BLTP3B: variants seen among roughly 807,000 people sequenced by gnomAD.
BLTP3B encodes the protein UHRF1 (ICBP90) binding protein 1-like.
the BLTP3B span, among the ~76,000 whole-genome samples, chr12:100,140,728 A>T: frequency 9.3e-6 from 1 of 107,340 alleles, no homozygotes; most frequent in Non-Finnish European, 1.9e-5. Context: ...AAAAAAAAAA[A>T]AATATATATA....
At chr12:100,053,402 G>A in the BLTP3B span, among the ~76,000 whole-genome samples, 1 of 151,800 alleles carries the variant, frequency 6.6e-6, no homozygotes, top group Admixed American at 6.6e-5. Flanking sequence ...AGTGAGACTT[G>A]GTATCAAAAA....
At chr12:100,054,101 A>G in the BLTP3B span, among the ~76,000 whole-genome samples, 2 of 152,194 alleles carry the variant, frequency 1.3e-5, no homozygotes, top group African/African-American at 2.4e-5. Flanking sequence ...TTTGTGAACA[A>G]TAATATAATT....
chr12:100,091,173 C>T, the BLTP3B span, among the ~76,000 whole-genome samples: 3 of 148,286 alleles, frequency 2.0e-5, no homozygotes, highest in Admixed American at 6.8e-5. Context: ...TGCACCATCA[C>T]GCCTGGCTAA....
chr12:100,112,941 C>G, the BLTP3B span, among the ~76,000 whole-genome samples: 1 of 150,920 alleles, frequency 6.6e-6, no homozygotes, highest in African/African-American at 2.4e-5. Flanking sequence ...GAGGCTGAGG[C>G]AAGTGGATTG....
At chr12:100,091,785 G>A in the BLTP3B span, among the ~76,000 whole-genome samples, 7 of 149,572 alleles carry the variant, frequency 4.7e-5, no homozygotes, top group East Asian at 2.0e-4. Flanking sequence ...GATTACAGGC[G>A]TGAGCCACCT....
chr12:100,114,093 G>A, the BLTP3B span, among the ~76,000 whole-genome samples: 1 of 152,096 alleles, frequency 6.6e-6, no homozygotes, highest in African/African-American at 2.4e-5. Flanking sequence ...AATATTTAAT[G>A]GTTATAATTC....
At chr12:100,072,489 T>C in the BLTP3B span, among the ~76,000 whole-genome samples, 1 of 152,126 alleles carries the variant, frequency 6.6e-6, no homozygotes. Context: ...GGAGTATGGC[T>C]TGAGCCTAGG....
At chr12:100,069,922 ATATAT>A in the BLTP3B span, 26 of 1,095,188 alleles carry the variant, frequency 2.4e-5, no homozygotes, top group Non-Finnish European at 2.7e-5. Context: ...TTGTTCAATG[ATATAT>A]TTTATTTAAG....
At chr12:100,067,597 A>C in the BLTP3B span, among the ~76,000 whole-genome samples, 1 of 152,154 alleles carries the variant, frequency 6.6e-6, no homozygotes, top group African/African-American at 2.4e-5. Flanking sequence ...AAGAGATGGA[A>C]GAATTCCTGG....
chr12:100,115,548 T>A, the BLTP3B span, among the ~76,000 whole-genome samples: 3 of 152,106 alleles, frequency 2.0e-5, no homozygotes, highest in Non-Finnish European at 4.4e-5. Context: ...GCCAGGTGGA[T>A]CACTTTAGCT....
chr12:100,107,643 T>C, the BLTP3B span, among the ~76,000 whole-genome samples: 2 of 151,738 alleles, frequency 1.3e-5, no homozygotes, highest in Non-Finnish European at 2.9e-5. Context: ...CAAAAAAAAA[T>C]CTCAAAATGA....
At chr12:100,080,347 CTCT>C in the BLTP3B span, among the ~76,000 whole-genome samples, 1 of 143,526 alleles carries the variant, frequency 7.0e-6, no homozygotes, top group Non-Finnish European at 1.5e-5. Context: ...TGGAACCCAT[CTCT>C]TTTTTTTTTT....
chr12:100,096,016 C>A, the BLTP3B span, among the ~76,000 whole-genome samples: 3 of 152,186 alleles, frequency 2.0e-5, no homozygotes. Flanking sequence ...CTCTGGGAGG[C>A]CAAGGCAGGT....
the BLTP3B span, among the ~76,000 whole-genome samples, chr12:100,098,033 A>G: frequency 0.042 from 6,338 of 152,180 alleles, 280 homozygotes; most frequent in African/African-American, 0.11. Context: ...CCTGGGCAAC[A>G]TGGCAAAACC....
chr12:100,142,258 C>T, the BLTP3B span, among the ~76,000 whole-genome samples: 1 of 152,240 alleles, frequency 6.6e-6, no homozygotes, highest in Admixed American at 6.5e-5. Context: ...GCCAGGCCAC[C>T]TCCAGCCTCC....
At chr12:100,064,862 C>CA in the BLTP3B span, among the ~76,000 whole-genome samples, 9 of 132,224 alleles carry the variant, frequency 6.8e-5, no homozygotes, top group Non-Finnish European at 1.3e-4. Flanking sequence ...ATCTATAAAA[C>CA]AAAAATTAAA....
the BLTP3B span, among the ~76,000 whole-genome samples, chr12:100,123,383 G>C: frequency 2.6e-5 from 4 of 152,246 alleles, no homozygotes; most frequent in Admixed American, 2.6e-4. Flanking sequence ...ACTCTCTAAC[G>C]ATGTTTTTCC....
the BLTP3B span, among the ~76,000 whole-genome samples, chr12:100,048,434 A>G: frequency 6.6e-6 from 1 of 152,106 alleles, no homozygotes; most frequent in Non-Finnish European, 1.5e-5. Context: ...AGAAAAACAC[A>G]TTATGATAGA....
chr12:100,059,175 A>G, the BLTP3B span: 4 of 1,614,124 alleles, frequency 2.5e-6, no homozygotes, highest in Non-Finnish European at 3.4e-6. Flanking sequence ...ATCTATCCAA[A>G]ATTGAGAAAA....
Sources: allele counts gnomAD v4.1 joint callset (sites outside exome capture counted in the v4.1 genomes callset), GRCh38; gene constraint gnomAD v4.1.1; transcripts MANE v1.5; gene names NCBI Gene and HGNC (gene_info 2026-07-23, HGNC 2026-07-21).